Variants in VAV1 observed in about 807,000 individuals in gnomAD.
The protein encoded by VAV1 is proto-oncogene vav.
VAV1 carries 33 observed loss-of-function variants against 128.1 expected under a neutral mutation model. The ratio of observed to expected loss-of-function variants is 0.26; its 90% CI spans 0.20 to 0.34. VAV1 has a LOEUF of 0.34. VAV1 is among the 10% of genes least tolerant of loss of function. VAV1 has a pLI of 1.00. For missense variants in VAV1, 715 were observed against 1,093.7 expected, an observed-to-expected ratio of 0.65 and a Z score of 4.88; for synonymous variants, 394 against 409.8, an observed-to-expected ratio of 0.96 and a Z score of 0.47.
intron 21 of VAV1, among the ~76,000 whole-genome samples, chr19:6,842,692 G>A (rs1599676132): frequency 6.6e-6 from 1 of 152,098 alleles, no homozygotes; most frequent in East Asian, 1.9e-4. Context: ...AAAAATTAGC[G>A]GGTGTGGTGG....
intron 21 of VAV1, among the ~76,000 whole-genome samples, chr19:6,841,980 C>T (rs572979866): frequency 6.6e-6 from 1 of 151,604 alleles, no homozygotes; most frequent in Admixed American, 6.6e-5. Flanking sequence ...AATCCCAACA[C>T]TTTGGGAGGC....
rs557388925 is a variant in VAV1, at chr19:6,843,956, C to T, written c.2012+790C>T. 4.0e-4 allele frequency among the ~76,000 whole-genome samples: 61 copies of T among 150,620 alleles called. No individual in the cohort carries two copies. The East Asian group carries it at 6.7e-3, about 16-fold the overall frequency. Reference sequence around the variant, plus strand: ...GAATGGGGCATTGAACAATTGCTGGCGCATCAGCTATTTAATGAGCTCCTT... The same window carrying T: ...GAATGGGGCATTGAACAATTGCTGGTGCATCAGCTATTTAATGAGCTCCTT... On this transcript the variant is annotated intron_variant, in intron 22 of 26. Coordinates refer to ENST00000602142, the MANE Select transcript of VAV1 (RefSeq NM_005428.4).
At chr19:6,847,784 G>A (rs1972559859) in intron 22 of VAV1, among the ~76,000 whole-genome samples, 1 of 152,204 alleles carries the variant, frequency 6.6e-6, no homozygotes, top group Non-Finnish European at 1.5e-5. Flanking sequence ...TCAAACCTTA[G>A]TGGTGACCTG....
rs1240504012 is a variant in VAV1, at chr19:6,828,225, T to C, written c.1023+54T>C. The C allele has an allele frequency of 1.0e-5, 16 of 1,602,080 alleles. No homozygotes were observed. Among genetic ancestry groups the C allele is most frequent in the African/African-American group, 1.3e-5 (1 of 74,670 alleles). On this transcript the variant is annotated intron_variant, in intron 10 of 26. Transcript: ENST00000602142. The surrounding 1 kb of genome is among the most constrained non-coding windows in gnomAD (Gnocchi z 4.5). ...CCACGTACCTACTCTCCTGTGTCTA[T>C]AAAAGTGGGGACGGGGCTGGCTTCT...
At chr19:6,849,911 T>A (rs1176353842) in intron 23 of VAV1, among the ~76,000 whole-genome samples, 1 of 152,138 alleles carries the variant, frequency 6.6e-6, no homozygotes, top group African/African-American at 2.4e-5. Flanking sequence ...GGTGTGTGTC[T>A]TTCTGGTAGC....
chr19:6,788,353 A>T (rs867458639), intron 1 of VAV1, among the ~76,000 whole-genome samples: 254 of 3,720 alleles, frequency 0.068, no homozygotes, highest in African/African-American at 0.1. Flanking sequence ...TTTTTATTTT[A>T]TTATTATTAT....
rs766176894 is a variant in VAV1 at position 6,773,027 on chromosome 19, G to A, written c.204+16G>A. 53 of 1,613,932 alleles carry A rather than the reference G, an allele frequency of 3.3e-5. No individual in the cohort carries two copies. The highest frequency in any genetic ancestry group is 1.2e-4 in the Admixed American group (7 of 59,974). ...GATGTCCCAGGTGAGCCCTCCGCGGGCAGGTGTGCTGAGGGTTGGAGACGG... is the reference window on the plus strand; with the variant it reads ...GATGTCCCAGGTGAGCCCTCCGCGGACAGGTGTGCTGAGGGTTGGAGACGG... On this transcript the variant is annotated intron_variant, in intron 1 of 26. Transcript: ENST00000602142.
chr19:6,796,630 C>A (rs1971142313), intron 1 of VAV1, among the ~76,000 whole-genome samples: 1 of 152,214 alleles, frequency 6.6e-6, no homozygotes, highest in Non-Finnish European at 1.5e-5. Flanking sequence ...TTCCTCCAGA[C>A]ACCCACCTGG....
At chr19:6,825,965 C>T (rs1971906230) in intron 8 of VAV1, among the ~76,000 whole-genome samples, 1 of 152,076 alleles carries the variant, frequency 6.6e-6, no homozygotes. Flanking sequence ...ATTGCTTGAA[C>T]CCGGGAGGCG....
In VAV1 at chr19:6,784,808, T is replaced by A. The variant is rs1039687686; in HGVS notation, c.204+11797T>A. On this transcript the variant is annotated intron_variant, in intron 1 of 26. Coordinates refer to ENST00000602142, the MANE Select transcript of VAV1 (RefSeq NM_005428.4). Reference sequence around the variant, plus strand: ...CATGCCCAGCCTCCATTCTATTCTATTCACTGACCTCCTCTCTTGGTCCAG... The same window carrying A: ...CATGCCCAGCCTCCATTCTATTCTAATCACTGACCTCCTCTCTTGGTCCAG... 5.3e-5 allele frequency among the ~76,000 whole-genome samples: 8 copies of A among 152,110 alleles called. 1 individual carries two copies. The highest frequency in any genetic ancestry group is 5.2e-4 in the Admixed American group (8 of 15,256).
intron 25 of VAV1, 62 bp downstream of exon 25, chr19:6,853,141 TG>T: frequency 6.6e-7 from 1 of 1,510,848 alleles, no homozygotes; most frequent in Non-Finnish European, 9.1e-7. Flanking sequence ...AGGGAAACTT[TG>T]GGGATGCCAT....
intron 24 of VAV1, among the ~76,000 whole-genome samples, chr19:6,852,403 GAAGT>G (rs1033459374): frequency 2.0e-5 from 3 of 152,030 alleles, no homozygotes; most frequent in East Asian, 1.9e-4. Context: ...AATTTATCAC[GAAGT>G]AAGTTAGTCC....
At position 6,829,932 on chromosome 19, in the gene VAV1, G is replaced by C; in HGVS notation, c.1398+14G>C. On this transcript the variant is annotated intron_variant, in intron 14 of 26. Transcript: ENST00000602142. ...GACAACAAGAAGGTGGGGCTTTGAC[G>C]CCGGAACTATGGGGTCCTCCACGCA... 1 of 1,614,004 alleles carries C rather than the reference G, an allele frequency of 6.2e-7. No individual in the cohort carries two copies. The highest frequency in any genetic ancestry group is 8.5e-7 in the Non-Finnish European group (1 of 1,180,004).
intron 6 of VAV1, among the ~76,000 whole-genome samples, chr19:6,823,916 TG>T (rs1971854068): frequency 2.6e-5 from 4 of 151,840 alleles, no homozygotes; most frequent in Admixed American, 2.6e-4. Flanking sequence ...TGTTTTGTTT[TG>T]GTTTTTTTTG....
intron 1 of VAV1, among the ~76,000 whole-genome samples, chr19:6,806,964 T>C (rs1265801279): frequency 6.6e-6 from 1 of 152,208 alleles, no homozygotes; most frequent in African/African-American, 2.4e-5. Flanking sequence ...GATTCCACGA[T>C]CTGTTCAGAC....
chr19:6,848,213 A>AAAGGTGGATGC, intron 23 of VAV1, 99 bp downstream of exon 23: 1 of 1,094,142 alleles, frequency 9.1e-7, no homozygotes, highest in Non-Finnish European at 1.3e-6. Flanking sequence ...GTGTACGGTA[A>AAAGGTGGATGC]TAGCATCCAC....
chr19:6,825,066 C>T lies in VAV1; in HGVS notation c.668C>T (p.Pro223Leu). The T allele has an allele frequency of 6.2e-7, 1 of 1,613,708 alleles. No individual in the cohort carries two copies. Among genetic ancestry groups the T allele is most frequent in the Non-Finnish European group, 8.5e-7 (1 of 1,180,024 alleles). ...CCTTCCCCGCAGCATTTCTTGAAGC[C>T]CCTGCAACGGTTCCTGAAACCTCAA... The part of the protein sequence containing the change: ...LGSIQQHFLK[P>L]LQRFLKPQDI... Residue 223 changes from proline to leucine, a missense_variant, in exon 7 of 27, where the codon CCC becomes CTC. Transcript: ENST00000602142.
intron 1 of VAV1, among the ~76,000 whole-genome samples, chr19:6,803,710 ACC>A (rs1433016538): frequency 6.6e-6 from 1 of 151,974 alleles, no homozygotes; most frequent in African/African-American, 2.4e-5. Context: ...GTTTACTGGC[ACC>A]TGCCACCACA....
rs1207650851 is a variant in VAV1, at chr19:6,829,834, A to G, written c.1314A>G (p.Gly438=). ...CTCTACTCATCTGTAAGCGCAGGGG[A>G]GACTCCTATGACCTCAAGGACTTTG... is the stretch of plus-strand genomic sequence containing the variant. ...DKALLICKRR[G]DSYDLKDFVN... The change falls in exon 14 of 27, where the codon GGA becomes GGG. Residue 438 remains glycine (G), a synonymous_variant. Transcript: ENST00000602142. The G allele has an allele frequency of 6.2e-7, 1 of 1,614,022 alleles. No homozygotes were observed. The highest frequency in any genetic ancestry group is 8.5e-7 in the Non-Finnish European group (1 of 1,180,034).
Sources: gnomAD v4.1 joint callset for allele counts (sites outside exome capture counted in the v4.1 genomes callset) on GRCh38, gnomAD v4.1.1 for gene constraint, Gnocchi (gnomAD v3.1) non-coding constraint, MANE v1.5 for transcripts, NCBI Gene and HGNC (gene_info 2026-07-23, HGNC 2026-07-21) for gene names.